The following PLAAT1 variants were observed in gnomAD, a reference collection of about 807,000 sequenced individuals.
The protein encoded by PLAAT1 is H-REV107 protein-related protein.
In PLAAT1, 13 loss-of-function variants were observed where a neutral mutation model predicts 16.4. That is an observed-to-expected ratio of 0.79 (90% CI 0.52 to 1.26). The LOEUF is 1.26. PLAAT1 is among the 50% of genes most tolerant of loss of function. The probability of loss-of-function intolerance (pLI) is 0.00; values close to 1 mark genes in which losing one functional copy is unlikely to be tolerated. For synonymous variants in PLAAT1, 73 were observed against 78.4 expected (o/e 0.93, Z 0.36); for missense variants, 218 against 207.8 (o/e 1.05, Z -0.30).
chr3:193,263,002 T>G lies in PLAAT1; in HGVS notation c.172T>G (p.Ser58Ala). The G allele has an allele frequency of 6.2e-7, 1 of 1,614,178 alleles. No homozygotes were observed. The highest frequency in any genetic ancestry group is 2.2e-5 in the East Asian group (1 of 44,884). ...TCCTGCGTCCTTTACAAGCGCCAAG[T>G]CTGTATTCAGCAGTAAGGCCCTGGT... ...GIPASFTSAK[S>A]VFSSKALVKM... The change falls in exon 3 of 4, where the codon TCT becomes GCT. Residue 58 changes from serine to alanine, a missense_variant. By Grantham distance (99) the Ser-to-Ala change is moderately conservative. Transcript: ENST00000264735.
chr3:193,243,187 A>G (rs1416961142), intron 1 of PLAAT1, among the ~76,000 whole-genome samples: 2 of 152,110 alleles, frequency 1.3e-5, no homozygotes, highest in East Asian at 3.9e-4. Flanking sequence ...TTGCAGATGG[A>G]CTCAAAATGA....
At chr3:193,261,346 C>T (rs1716577923) in intron 2 of PLAAT1, among the ~76,000 whole-genome samples, 2 of 144,612 alleles carry the variant, frequency 1.4e-5, no homozygotes, top group South Asian at 4.4e-4. Context: ...CCAGCCTGGG[C>T]AACAAAGCAA....
downstream of PLAAT1, among the ~76,000 whole-genome samples, chr3:193,279,870 C>T (rs1317574158): frequency 6.7e-6 from 1 of 149,118 alleles, no homozygotes; most frequent in Non-Finnish European, 1.5e-5. Context: ...ATCAGCCTTT[C>T]TAACCTGGTC....
Position 193,241,339 on chromosome 3 carries a change from C to T in PLAAT1, c.-195C>T, listed in dbSNP as rs552186653. On this transcript the variant is annotated 5_prime_UTR_variant, in exon 1 of 4. Transcript: ENST00000264735. ...CGCCGGGACCGTTTCAGCGTGGCGG[C>T]GCTGGTGCTGGCGTTGGCCCTGGAG... is the stretch of plus-strand genomic sequence containing the variant. The T allele has an allele frequency of 1.6e-4, 194 of 1,231,438 alleles. 1 individual carries two copies. The East Asian group carries it at 5.1e-3, about 32-fold the overall frequency. 76.3% of individuals were successfully genotyped at this position (1,231,438 alleles called of 1,614,324 possible).
At chr3:193,279,034 A>T (rs1353526409), downstream of PLAAT1, among the ~76,000 whole-genome samples, 1 of 152,144 alleles carries the variant, frequency 6.6e-6, no homozygotes. Flanking sequence ...GATTTCTATG[A>T]TATGGTTTAT....
chr3:193,253,541 T>C (rs1288684294), intron 1 of PLAAT1, among the ~76,000 whole-genome samples: 1 of 152,174 alleles, frequency 6.6e-6, no homozygotes, highest in African/African-American at 2.4e-5. Context: ...GCGACAGCTT[T>C]TTACCAGCTC....
intron 2 of PLAAT1, among the ~76,000 whole-genome samples, chr3:193,258,705 G>GA (rs1384570351): frequency 2.6e-5 from 4 of 152,110 alleles, no homozygotes; most frequent in African/African-American, 9.6e-5. Context: ...GGAAAAAAGT[G>GA]AAAACCTGAG....
chr3:193,254,668 G>A (rs951436057), intron 1 of PLAAT1, among the ~76,000 whole-genome samples: 4 of 152,152 alleles, frequency 2.6e-5, no homozygotes, highest in Non-Finnish European at 5.9e-5. Flanking sequence ...GTTCATCAAT[G>A]TGATGAACTC....
chr3:193,261,330 T>A (rs1716577244), intron 2 of PLAAT1, among the ~76,000 whole-genome samples: 1 of 150,450 alleles, frequency 6.6e-6, no homozygotes, highest in Non-Finnish European at 1.5e-5. Flanking sequence ...ATTGGGCCAC[T>A]ACACTCCAGC....
chr3:193,249,543 A>G (rs1716114973), intron 1 of PLAAT1, among the ~76,000 whole-genome samples: 1 of 152,162 alleles, frequency 6.6e-6, no homozygotes, highest in Non-Finnish European at 1.5e-5. Flanking sequence ...CCAAGGATCT[A>G]TCAGTGACAT....
chr3:193,277,057 C>T (rs888289188), intron 2 of PLAAT1, among the ~76,000 whole-genome samples: 13 of 152,164 alleles, frequency 8.5e-5, no homozygotes, highest in African/African-American at 2.4e-4. Flanking sequence ...GTACCTTTGA[C>T]AGCCTCATGG....
intron 2 of PLAAT1, among the ~76,000 whole-genome samples, chr3:193,259,539 CAAAATCAGTGTACA>C (rs1372783487): frequency 2.0e-5 from 3 of 152,068 alleles, no homozygotes; most frequent in Non-Finnish European, 4.4e-5. Flanking sequence ...TTTTAGGATA[CAAAATCAGTGTACA>C]AAAATCAGTA....
chr3:193,244,719 G>A (rs1715914445), intron 1 of PLAAT1, among the ~76,000 whole-genome samples: 1 of 152,140 alleles, frequency 6.6e-6, no homozygotes, highest in South Asian at 2.1e-4. Flanking sequence ...TGGAGACTCT[G>A]CAGAGTCCCA....
At chr3:193,272,568 C>T (rs757452333), downstream of PLAAT1, among the ~76,000 whole-genome samples, 4 of 152,138 alleles carry the variant, frequency 2.6e-5, no homozygotes, top group Non-Finnish European at 4.4e-5. Context: ...GATGCCTACA[C>T]GGGGCAAATC....
At chr3:193,256,317 T>A (rs1716371367) in intron 2 of PLAAT1, among the ~76,000 whole-genome samples, 1 of 151,958 alleles carries the variant, frequency 6.6e-6, no homozygotes, top group Non-Finnish European at 1.5e-5. Flanking sequence ...GGGCAGAAGG[T>A]GGTGGGTGCA....
intron 1 of PLAAT1, among the ~76,000 whole-genome samples, chr3:193,252,090 A>G (rs1274638586): frequency 6.6e-6 from 1 of 152,202 alleles, no homozygotes; most frequent in African/African-American, 2.4e-5. Context: ...TACAGGATGC[A>G]TGGTGCTGGT....
At chr3:193,241,744 A>G (rs1715758110) in intron 1 of PLAAT1, among the ~76,000 whole-genome samples, 1 of 152,198 alleles carries the variant, frequency 6.6e-6, no homozygotes, top group Non-Finnish European at 1.5e-5. Flanking sequence ...TGGGACTAGA[A>G]ACCCAACCTG....
upstream of PLAAT1, chr3:193,241,211 G>A: frequency 3.3e-6 from 4 of 1,223,406 alleles, no homozygotes; most frequent in Middle Eastern, 3.2e-4. Context: ...CGGAGCGGGC[G>A]GCTCCCCATG....
rs1716963383 is a variant in PLAAT1 at position 193,270,834 on chromosome 3, A to G, written c.*129A>G. Reference sequence around the variant, plus strand: ...TGATGGATGGCAGACTCTTTAATAAATTGCTTACTGATATTATCTTATCAT... The same window carrying G: ...TGATGGATGGCAGACTCTTTAATAAGTTGCTTACTGATATTATCTTATCAT... On this transcript the variant is annotated 3_prime_UTR_variant, in exon 4 of 4. Coordinates refer to ENST00000264735, the MANE Select transcript of PLAAT1 (RefSeq NM_020386.5). 7.3e-7 allele frequency: 1 copy of G among 1,375,578 alleles called. No homozygotes were observed. The highest frequency in any genetic ancestry group is 9.4e-7 in the Non-Finnish European group (1 of 1,061,898). 85.2% of individuals were successfully genotyped at this position (1,375,578 alleles called of 1,614,324 possible).
Sources: allele counts gnomAD v4.1 joint callset (sites outside exome capture counted in the v4.1 genomes callset), GRCh38; gene constraint gnomAD v4.1.1; transcripts MANE v1.5; gene names NCBI Gene and HGNC (gene_info 2026-07-23, HGNC 2026-07-21).